TIAM2: variants seen among roughly 807,000 people sequenced by gnomAD.
TIAM2 encodes rho guanine nucleotide exchange factor TIAM2.
A neutral mutation model predicts 152.9 loss-of-function variants in TIAM2; 80 were observed. That is an observed-to-expected ratio of 0.52 (90% CI 0.44 to 0.63). The LOEUF (loss-of-function observed/expected upper bound fraction) is 0.63. Ranked by LOEUF, TIAM2 falls within the 30% of genes least tolerant of loss-of-function variation. TIAM2 has a pLI of 0.00. For missense variants in TIAM2, 1,965 were observed against 2,120.1 expected (o/e 0.93, Z 1.44); for synonymous variants, 804 against 838.0 (o/e 0.96, Z 0.70).
At chr6:155,208,823 T>C (rs1286457100) in intron 14 of TIAM2, among the ~76,000 whole-genome samples, 1 of 152,096 alleles carries the variant, frequency 6.6e-6, no homozygotes. Flanking sequence ...CACTGTGACT[T>C]TCTTGTCCTC....
At chr6:155,010,325 A>G (rs371073265) in intron 1 of TIAM2, among the ~76,000 whole-genome samples, 1 of 152,262 alleles carries the variant, frequency 6.6e-6, no homozygotes, top group African/African-American at 2.4e-5. Flanking sequence ...GCTCATTTCT[A>G]GTAGAACTGG....
intron 14 of TIAM2, among the ~76,000 whole-genome samples, chr6:155,198,172 G>A (rs1000015471): frequency 6.6e-6 from 1 of 152,168 alleles, no homozygotes; most frequent in Non-Finnish European, 1.5e-5. Context: ...CATTTTGTCT[G>A]TATGGCTGAT....
At chr6:155,240,753 A>G in intron 16 of TIAM2, 44 bp downstream of exon 16, 1 of 1,570,810 alleles carries the variant, frequency 6.4e-7, no homozygotes, top group Non-Finnish European at 8.6e-7. Context: ...CTCTTTGATG[A>G]TGGCAAGTGG....
At chr6:155,066,396 G>A (rs1473796631) in intron 1 of TIAM2, among the ~76,000 whole-genome samples, 2 of 152,198 alleles carry the variant, frequency 1.3e-5, no homozygotes, top group African/African-American at 4.8e-5. Flanking sequence ...AAGTCCTGGA[G>A]CGTGGACAGA....
At chr6:155,145,155 C>G (rs1779793141) in intron 6 of TIAM2, among the ~76,000 whole-genome samples, 1 of 152,072 alleles carries the variant, frequency 6.6e-6, no homozygotes, top group Non-Finnish European at 1.5e-5. Context: ...ATGGGAGAGG[C>G]TTGGGTTCTT....
chr6:155,107,323 A>G (rs1482606094), intron 2 of TIAM2, among the ~76,000 whole-genome samples: 1 of 152,242 alleles, frequency 6.6e-6, no homozygotes, highest in Non-Finnish European at 1.5e-5. Flanking sequence ...GTTGCTGTGC[A>G]TAAGGGAATT....
At chr6:155,028,600 CTG>C (rs1226799902) in intron 1 of TIAM2, among the ~76,000 whole-genome samples, 1,706 of 131,566 alleles carry the variant, frequency 0.013, 72 homozygotes, top group African/African-American at 0.047. Context: ...AATATATATA[CTG>C]TGTTATATAT....
Position 155,034,034 on chromosome 6 carries a change from CT to C in TIAM2, c.-209+38543del, listed in dbSNP as rs1776874327. Among the ~76,000 whole-genome samples, 4 of 131,308 alleles carry C rather than the reference CT, an allele frequency of 3.0e-5. No homozygotes were observed. The South Asian group carries it at 1.1e-3, about 35-fold the overall frequency. The allele number at this position is 131,308 out of a possible 152,430, so 86.1% of individuals were successfully genotyped here. ...ACCCGGCCTCTCTTGGCTTTCTTCT[CT>C]GTTGCTTACCTTTTTTTTTTTTTCC... On this transcript the variant is annotated intron_variant, in intron 1 of 26. Coordinates refer to ENST00000682666, the MANE Select transcript of TIAM2 (RefSeq NM_012454.4).
intron 9 of TIAM2, chr6:155,168,756 A>G (rs951367188): frequency 9.1e-7 from 1 of 1,099,480 alleles, no homozygotes; most frequent in Non-Finnish European, 1.3e-6. Context: ...ATGTTATAGA[A>G]CTTTAGTTTT....
chr6:155,235,901 A>G (rs553222088), intron 15 of TIAM2, among the ~76,000 whole-genome samples: 105 of 152,326 alleles, frequency 6.9e-4, no homozygotes, highest in African/African-American at 2.4e-3. Flanking sequence ...GATTTTTGAC[A>G]TCCCAGTGAA....
chr6:155,034,319 T>C (rs7757527), intron 1 of TIAM2, among the ~76,000 whole-genome samples: 130,804 of 152,128 alleles, frequency 0.86, 56,399 homozygotes, highest in Middle Eastern at 0.93. Flanking sequence ...GGCACGGTCT[T>C]GGCTCACTGC....
intron 1 of TIAM2, among the ~76,000 whole-genome samples, chr6:155,006,659 CT>C (rs1380624473): frequency 1.4e-5 from 2 of 146,874 alleles, no homozygotes; most frequent in Non-Finnish European, 3.0e-5. Flanking sequence ...TTTTTAGAGA[CT>C]GTCTCCCCCA....
intron 9 of TIAM2, 127 bp from the exon 10 acceptor site, chr6:155,176,689 A>G: frequency 3.2e-6 from 3 of 945,172 alleles, no homozygotes; most frequent in Non-Finnish European, 3.1e-6. Flanking sequence ...GGCTGTGAGA[A>G]GCCAGTGATG....
intron 1 of TIAM2, among the ~76,000 whole-genome samples, chr6:155,029,196 G>A (rs62651292): frequency 0.069 from 954 of 13,890 alleles, 136 homozygotes; most frequent in Non-Finnish European, 0.074. Flanking sequence ...TATATACACT[G>A]TATGTACTAT....
At chr6:155,245,880 G>A in intron 19 of TIAM2, 149 bp downstream of exon 19, 1 of 494,260 alleles carries the variant, frequency 2.0e-6, no homozygotes, top group Non-Finnish European at 3.4e-6. Context: ...AAATATTAAA[G>A]GGAAAGGTTT....
At chr6:155,162,479 G>A (rs1314678444) in intron 7 of TIAM2, among the ~76,000 whole-genome samples, 1 of 152,212 alleles carries the variant, frequency 6.6e-6, no homozygotes, top group Non-Finnish European at 1.5e-5. Flanking sequence ...ACAGAACTGA[G>A]ATGATAGTTT....
intron 1 of TIAM2, among the ~76,000 whole-genome samples, chr6:155,030,243 C>T (rs1371665445): frequency 6.6e-6 from 1 of 152,050 alleles, no homozygotes; most frequent in Non-Finnish European, 1.5e-5. Context: ...AGGCCAGATG[C>T]AGATGGAGAG....
In TIAM2 at chr6:155,248,197, C is replaced by T; in HGVS notation, c.3832+18C>T. 6.2e-7 allele frequency: 1 copy of T among 1,608,990 alleles called. No homozygotes were observed. The highest frequency in any genetic ancestry group is 8.5e-7 in the Non-Finnish European group (1 of 1,178,216). ...CCTGACGGGTGAGGCGGCGGCGGCA[C>T]CTCCGGGCGAGGGCCTGCACAGGGC... On this transcript the variant is annotated intron_variant, in intron 20 of 26. Transcript: ENST00000682666.
intron 3 of TIAM2, among the ~76,000 whole-genome samples, chr6:155,128,437 A>G (rs1159589448): frequency 6.6e-6 from 1 of 152,164 alleles, no homozygotes; most frequent in Non-Finnish European, 1.5e-5. Flanking sequence ...AAAGTCTCTC[A>G]AAATACTGTG....
Sources: allele counts gnomAD v4.1 joint callset (sites outside exome capture counted in the v4.1 genomes callset), GRCh38; gene constraint gnomAD v4.1.1; transcripts MANE v1.5; gene names NCBI Gene and HGNC (gene_info 2026-07-23, HGNC 2026-07-21).